The following SHROOM3 variants were observed in gnomAD, a reference collection of about 807,000 sequenced individuals.
The protein encoded by SHROOM3 is protein Shroom3.
SHROOM3 carries 47 observed loss-of-function variants against 138.6 expected under a neutral mutation model. The observed-to-expected ratio is 0.34, with a 90% confidence interval of 0.27 to 0.43. The LOEUF (loss-of-function observed/expected upper bound fraction) is 0.43. Ranked by LOEUF, SHROOM3 falls within the 20% of genes least tolerant of loss-of-function variation. SHROOM3 has a pLI of 1.00. For synonymous variants in SHROOM3, 1,062 were observed against 1,063.3 expected, an observed-to-expected ratio of 1.00 and a Z score of 0.02; for missense variants, 2,491 against 2,596.5, an observed-to-expected ratio of 0.96 and a Z score of 0.88.
chr4:76,461,459 C>T (rs112076709), intron 1 of SHROOM3, among the ~76,000 whole-genome samples: 79 of 152,176 alleles, frequency 5.2e-4, no homozygotes, highest in East Asian at 3.3e-3. Flanking sequence ...TGTCAGAATA[C>T]GGAAACAGAA....
chr4:76,612,109 A>G (rs1734776594), intron 2 of SHROOM3, among the ~76,000 whole-genome samples: 1 of 152,204 alleles, frequency 6.6e-6, no homozygotes, highest in Non-Finnish European at 1.5e-5. Context: ...AAACCCGCTC[A>G]GAGGGAATTC....
intron 1 of SHROOM3, among the ~76,000 whole-genome samples, chr4:76,545,702 T>C (rs1055464662): frequency 1.1e-4 from 17 of 152,234 alleles, no homozygotes; most frequent in Non-Finnish European, 2.5e-4. Context: ...CAAACCTCTA[T>C]GGAGTCTTTG....
intron 2 of SHROOM3, among the ~76,000 whole-genome samples, chr4:76,560,191 T>C (rs1159755440): frequency 6.6e-6 from 1 of 152,178 alleles, no homozygotes; most frequent in Admixed American, 6.5e-5. Flanking sequence ...GTAAAATAGT[T>C]GTCCAGGGAT....
At chr4:76,654,451 C>A (rs1736023023) in intron 2 of SHROOM3, among the ~76,000 whole-genome samples, 1 of 152,160 alleles carries the variant, frequency 6.6e-6, no homozygotes, top group South Asian at 2.1e-4. Flanking sequence ...CTCAGCCTCC[C>A]AAGTAGCTGG....
At chr4:76,616,003 G>A (rs1350645678) in intron 2 of SHROOM3, among the ~76,000 whole-genome samples, 1 of 152,200 alleles carries the variant, frequency 6.6e-6, no homozygotes, top group Non-Finnish European at 1.5e-5. Context: ...ACCAGTATGG[G>A]AAAGCAGGAT....
chr4:76,483,162 A>C (rs1469656745), intron 1 of SHROOM3, among the ~76,000 whole-genome samples: 1 of 152,258 alleles, frequency 6.6e-6, no homozygotes, highest in Non-Finnish European at 1.5e-5. Flanking sequence ...GATTTAATTA[A>C]ACTAAAGAGC....
intron 3 of SHROOM3, among the ~76,000 whole-genome samples, chr4:76,718,622 G>C (rs1720449919): frequency 6.6e-6 from 1 of 151,868 alleles, no homozygotes; most frequent in Non-Finnish European, 1.5e-5. Flanking sequence ...TTTAAATGAA[G>C]AGGAAGACAG....
In SHROOM3 at chr4:76,759,526, T is replaced by C. The variant is rs772857516; in HGVS notation, c.5199-19T>C. On this transcript the variant is annotated intron_variant, in intron 8 of 10. Coordinates refer to ENST00000296043, the MANE Select transcript of SHROOM3 (RefSeq NM_020859.4). ...TGGCGTGATCTGTGTGGCTATACTTTGTGCTCTTTTTGGCCCAGGAATGAA... is the reference window on the plus strand; with the variant it reads ...TGGCGTGATCTGTGTGGCTATACTTCGTGCTCTTTTTGGCCCAGGAATGAA... The C allele has an allele frequency of 6.2e-7, 1 of 1,613,884 alleles. No individual in the cohort carries two copies. The highest frequency in any genetic ancestry group is 1.1e-5 in the South Asian group (1 of 91,068).
In SHROOM3 at chr4:76,740,423, C is replaced by G; in HGVS notation, c.2250C>G (p.His750Gln). 6.2e-7 allele frequency: 1 copy of G among 1,613,082 alleles called. No homozygotes were observed. Among genetic ancestry groups the G allele is most frequent in the Non-Finnish European group, 8.5e-7 (1 of 1,179,812 alleles). Residue 750 changes from histidine (H) to glutamine (Q), a missense_variant, in exon 5 of 11, where the codon CAC becomes CAG. By Grantham distance (24) the His-to-Gln change is conservative. Coordinates refer to ENST00000296043, the MANE Select transcript of SHROOM3 (RefSeq NM_020859.4). The surrounding 1 kb of genome is among the most constrained non-coding windows in gnomAD (Gnocchi z 4.0). ...CCGAAGAGCCGCCTGCCCCCTCGCA[C>G]CCGCACACATCCAGTCTGGGCCGGA... is the stretch of plus-strand genomic sequence containing the variant. ...PSPEEPPAPS[H>Q]PHTSSLGRRG...
intron 1 of SHROOM3, among the ~76,000 whole-genome samples, chr4:76,537,521 T>C (rs1168864292): frequency 6.6e-6 from 1 of 152,128 alleles, no homozygotes; most frequent in Non-Finnish European, 1.5e-5. Context: ...GAGGGACACA[T>C]AGGCAGAACA....
intron 1 of SHROOM3, among the ~76,000 whole-genome samples, chr4:76,457,617 G>A (rs1206554437): frequency 2.0e-5 from 3 of 149,560 alleles, no homozygotes; most frequent in African/African-American, 4.9e-5. Context: ...TCAGCCTCCC[G>A]AGTAGCTGGG....
chr4:76,536,832 G>T (rs1479109208), intron 1 of SHROOM3, among the ~76,000 whole-genome samples: 1 of 152,212 alleles, frequency 6.6e-6, no homozygotes, highest in Non-Finnish European at 1.5e-5. Context: ...TGCAGGCAAG[G>T]CTGGGCGTGA....
At chr4:76,547,107 G>A (rs1036502790) in intron 1 of SHROOM3, among the ~76,000 whole-genome samples, 1 of 152,290 alleles carries the variant, frequency 6.6e-6, no homozygotes, top group Middle Eastern at 3.4e-3. Flanking sequence ...ACTATAATAG[G>A]TTCAGAGATT....
chr4:76,487,416 TTTTG>T (rs1447247004), intron 1 of SHROOM3, among the ~76,000 whole-genome samples: 2 of 152,230 alleles, frequency 1.3e-5, no homozygotes, highest in African/African-American at 4.8e-5. Flanking sequence ...TTCATGTACA[TTTTG>T]TTTGTGTGGA....
chr4:76,590,836 G>A (rs1415716271), intron 2 of SHROOM3, among the ~76,000 whole-genome samples: 2 of 151,996 alleles, frequency 1.3e-5, no homozygotes, highest in Non-Finnish European at 2.9e-5. Flanking sequence ...GATTTTCTTG[G>A]TATTTGTTGT....
In SHROOM3 at chr4:76,756,399, CTCTCTT is replaced by C. The variant is rs751713558; in HGVS notation, c.4710-44_4710-39del. ...TTATCATCACCCTTCTCTTATCACTCTCTCTTTCTCTCTCTCTCTTTTTTTTTTTTT... is the reference window on the plus strand; with the variant it reads ...TTATCATCACCCTTCTCTTATCACTCTCTCTCTCTCTCTTTTTTTTTTTTT... On this transcript the variant is annotated intron_variant, in intron 7 of 10. Transcript: ENST00000296043. 1.3e-4 allele frequency: 189 copies of C among 1,470,928 alleles called. No individual in the cohort carries two copies. In the East Asian group the frequency reaches 3.4e-3, roughly 26 times the overall value. 91.1% of individuals were successfully genotyped at this position (1,470,928 alleles called of 1,614,324 possible). A position where few individuals can be genotyped will look rare whatever the true frequency, so the allele number is the denominator to read the frequency against.
At chr4:76,614,679 C>T (rs1373400675) in intron 2 of SHROOM3, among the ~76,000 whole-genome samples, 1 of 152,106 alleles carries the variant, frequency 6.6e-6, no homozygotes, top group African/African-American at 2.4e-5. Context: ...TGTGGTGTTC[C>T]TCAATAGGTT....
chr4:76,448,110 G>T (rs1164512768), intron 1 of SHROOM3, among the ~76,000 whole-genome samples: 1 of 151,972 alleles, frequency 6.6e-6, no homozygotes, highest in Non-Finnish European at 1.5e-5. Flanking sequence ...GTCTGCTGTG[G>T]GTCAGGTACT....
intron 9 of SHROOM3, among the ~76,000 whole-genome samples, chr4:76,764,708 A>C (rs1722091553): frequency 6.6e-6 from 1 of 152,180 alleles, no homozygotes; most frequent in South Asian, 2.1e-4. Flanking sequence ...CTAATGAGAA[A>C]TGCACAGTCC....
Sources: gnomAD v4.1 joint callset for allele counts (sites outside exome capture counted in the v4.1 genomes callset) on GRCh38, gnomAD v4.1.1 for gene constraint, Gnocchi (gnomAD v3.1) non-coding constraint, MANE v1.5 for transcripts, NCBI Gene and HGNC (gene_info 2026-07-23, HGNC 2026-07-21) for gene names.